LECT2: variants seen among roughly 807,000 people sequenced by gnomAD.
LECT2 encodes leukocyte cell derived chemotaxin 2.
Under a neutral mutation model 16.6 loss-of-function variants are expected in LECT2, and 11 were observed. That is an observed-to-expected ratio of 0.66 (90% confidence interval 0.42 to 1.09). The LOEUF (loss-of-function observed/expected upper bound fraction) is 1.09, where lower values mean the gene tolerates loss of function less well. Ranked by LOEUF, LECT2 falls within the 50% of genes least tolerant of loss-of-function variation. The probability of loss-of-function intolerance (pLI) is 0.00; values close to 1 mark genes in which losing one functional copy is unlikely to be tolerated. For missense variants in LECT2, 173 were observed against 184.2 expected (o/e 0.94, Z 0.35); for synonymous variants, 54 against 64.8 (o/e 0.83, Z 0.80).
Position 135,947,106 on chromosome 5 carries a change from TTTTAA to T in LECT2, c.*220_*224del. ...TTCTATTTAAACTCAAATTTCCTTT[TTTTAA>T]TTAAAAAATTTTTGTGGGTACATAG... On this transcript the variant is annotated 3_prime_UTR_variant, in exon 4 of 4. Coordinates refer to ENST00000274507, the MANE Select transcript of LECT2 (RefSeq NM_002302.3). The T allele has an allele frequency of 2.8e-6, 1 of 354,334 alleles. No homozygotes were observed. Among genetic ancestry groups the T allele is most frequent in the Non-Finnish European group, 5.0e-6 (1 of 198,782 alleles). The allele number at this position is 354,334 out of a possible 1,614,324, so 21.9% of individuals were successfully genotyped here. A position where few individuals can be genotyped will look rare whatever the true frequency, so the allele number is the denominator to read the frequency against.
At chr5:135,952,732 C>T in intron 2 of LECT2, 139 bp downstream of exon 2, 1 of 610,470 alleles carries the variant, frequency 1.6e-6, no homozygotes, top group Non-Finnish European at 3.0e-6. Flanking sequence ...GCTCCAAAGA[C>T]AGTGATGTAA....
chr5:135,952,554 A>C (rs772846463), intron 2 of LECT2, among the ~76,000 whole-genome samples: 6 of 152,206 alleles, frequency 3.9e-5, no homozygotes, highest in Non-Finnish European at 8.8e-5. Flanking sequence ...TCTCTTCTAT[A>C]AAATGGGATA....
At chr5:135,954,568 A>G (rs1047409390) in intron 1 of LECT2, among the ~76,000 whole-genome samples, 1 of 152,204 alleles carries the variant, frequency 6.6e-6, no homozygotes, top group African/African-American at 2.4e-5. Context: ...TGTCTTCTCA[A>G]CCCACTATTA....
intron 3 of LECT2, among the ~76,000 whole-genome samples, chr5:135,949,998 A>G (rs1316711869): frequency 6.6e-6 from 1 of 152,230 alleles, no homozygotes; most frequent in Non-Finnish European, 1.5e-5. Flanking sequence ...GTTCAATGGC[A>G]GAAGTTTCCC....
chr5:135,947,547 T>A, intron 3 of LECT2, 50 bp from the exon 4 acceptor site: 1 of 1,431,764 alleles, frequency 7.0e-7, no homozygotes. Context: ...TAATCTTGAA[T>A]CTGAAATTAA....
intron 2 of LECT2, 21 bp from the exon 3 acceptor site, chr5:135,951,389 A>G (rs1366203534): frequency 6.2e-7 from 1 of 1,609,482 alleles, no homozygotes; most frequent in Non-Finnish European, 8.5e-7. Flanking sequence ...AATAAGAACG[A>G]ACAGACTGAG....
intron 2 of LECT2, chr5:135,951,726 C>T (rs28695247): frequency 0.023 from 4,835 of 207,818 alleles, 247 homozygotes; most frequent in African/African-American, 0.1. Context: ...ACTTTGAAAA[C>T]AGCTGTCTTT....
chr5:135,952,684 A>AT (rs1490153380), intron 2 of LECT2, among the ~76,000 whole-genome samples, 187 bp downstream of exon 2: 1 of 152,198 alleles, frequency 6.6e-6, no homozygotes, highest in African/African-American at 2.4e-5. Context: ...TCTGATCCCA[A>AT]TTTATAGCTC....
intron 2 of LECT2, among the ~76,000 whole-genome samples, chr5:135,952,137 AT>A (rs1429185298): frequency 6.6e-6 from 1 of 152,244 alleles, no homozygotes; most frequent in Non-Finnish European, 1.5e-5. Flanking sequence ...CTGAGTCTGA[AT>A]TTTGGCAATT....
At chr5:135,950,734 G>T (rs903642282) in intron 3 of LECT2, 8 of 158,354 alleles carry the variant, frequency 5.1e-5, no homozygotes, top group Non-Finnish European at 1.1e-4. Context: ...TTGAGTAAAT[G>T]CAAGTATCTA....
chr5:135,950,796 A>G (rs562346029), intron 3 of LECT2: 137 of 202,496 alleles, frequency 6.8e-4, no homozygotes, highest in African/African-American at 3.0e-3. Context: ...ATTGTTAAGC[A>G]AAACCACATG....
In LECT2 at chr5:135,954,853, T is replaced by C. The variant is rs1162353358; in HGVS notation, c.-20A>G. On this transcript the variant is annotated 5_prime_UTR_variant, in exon 1 of 4. Transcript: ENST00000274507. ...AAACATCTGGTTTTACTTCCTTTAG[T>C]TTCTTCCTCTGATTAGAGTTGCCCC... 3.1e-6 allele frequency: 5 copies of C among 1,599,714 alleles called. No individual in the cohort carries two copies. The African/African-American group carries it at 5.4e-5, about 17-fold the overall frequency.
At chr5:135,952,813 C>T in intron 2 of LECT2, 58 bp downstream of exon 2, 2 of 1,261,550 alleles carry the variant, frequency 1.6e-6, no homozygotes, top group Non-Finnish European at 2.3e-6. Flanking sequence ...TGGGCAAGGA[C>T]ACTAAGAAAA....
intron 1 of LECT2, among the ~76,000 whole-genome samples, chr5:135,953,982 TTACTA>T (rs1399893357): frequency 6.6e-6 from 1 of 152,328 alleles, no homozygotes; most frequent in East Asian, 1.9e-4. Flanking sequence ...ATTTGTTTCT[TTACTA>T]TAGTAAGCAC....
chr5:135,948,144 T>C (rs1237756348), intron 3 of LECT2, among the ~76,000 whole-genome samples: 2 of 152,240 alleles, frequency 1.3e-5, no homozygotes, highest in African/African-American at 2.4e-5. Context: ...CAAGGGCTAT[T>C]GTCCTGTTAC....
Position 135,951,353 on chromosome 5 carries a change from G to A in LECT2, c.159C>T (p.His53=). The part of the protein sequence containing the change: ...QYSAQRSQRP[H]QGVDILCSAG... ...CAGAGCACAAGATGTCCACACCCTGGTGAGGCCTCTGACTTCTAGGATGTA... is the reference window on the plus strand; with the variant it reads ...CAGAGCACAAGATGTCCACACCCTGATGAGGCCTCTGACTTCTAGGATGTA... Residue 53 remains histidine, a synonymous_variant, in exon 3 of 4, where the codon CAC becomes CAT. Transcript: ENST00000274507. 1 of 1,613,602 alleles carries A rather than the reference G, an allele frequency of 6.2e-7. No individual in the cohort carries two copies. The highest frequency in any genetic ancestry group is 8.5e-7 in the Non-Finnish European group (1 of 1,179,728).
chr5:135,947,299 T>A lies in LECT2; in HGVS notation c.*32A>T. The A allele has an allele frequency of 3.8e-6, 6 of 1,597,136 alleles. No homozygotes were observed. Among genetic ancestry groups the A allele is most frequent in the Non-Finnish European group, 5.1e-6 (6 of 1,169,124 alleles). ...GCATCCAGGTTTTTAAGATGACTTT[T>A]TATTTTGAAGATCTGACCATTGGCC... On this transcript the variant is annotated 3_prime_UTR_variant, in exon 4 of 4. Transcript: ENST00000274507.
intron 3 of LECT2, among the ~76,000 whole-genome samples, chr5:135,947,877 G>A (rs1012005645): frequency 1.3e-5 from 2 of 152,206 alleles, no homozygotes; most frequent in Non-Finnish European, 2.9e-5. Flanking sequence ...AATTAAAAAG[G>A]CAAAGACCCA....
At chr5:135,949,834 A>G (rs1580673220) in intron 3 of LECT2, among the ~76,000 whole-genome samples, 1 of 152,344 alleles carries the variant, frequency 6.6e-6, no homozygotes, top group South Asian at 2.1e-4. Flanking sequence ...TACAAGTCCA[A>G]TAAGGCTTTA....
Sources: allele counts gnomAD v4.1 joint callset (sites outside exome capture counted in the v4.1 genomes callset), GRCh38; gene constraint gnomAD v4.1.1; transcripts MANE v1.5; gene names NCBI Gene and HGNC (gene_info 2026-07-23, HGNC 2026-07-21).